NAV2: variants seen among roughly 807,000 people sequenced by gnomAD.
NAV2 encodes helicase, APC down-regulated 1.
In NAV2, 54 loss-of-function variants were observed where a neutral mutation model predicts 223.2. That is an observed-to-expected ratio of 0.24 (90% confidence interval 0.19 to 0.30). NAV2 has a LOEUF of 0.30. Ranked by LOEUF, NAV2 falls within the 10% of genes least tolerant of loss-of-function variation. The pLI, the probability that NAV2 is intolerant of heterozygous loss-of-function variation, is 1.00. For missense variants in NAV2, 2,806 were observed against 3,147.5 expected (o/e 0.89, Z 2.60); for synonymous variants, 1,279 against 1,239.3 (o/e 1.03, Z -0.67).
chr11:19,588,816 G>A (rs2045970434), intron 1 of NAV2, among the ~76,000 whole-genome samples: 1 of 152,222 alleles, frequency 6.6e-6, no homozygotes, highest in Admixed American at 6.5e-5. Flanking sequence ...ATGTGGTTTG[G>A]AATCTTGCTG....
chr11:19,616,192 T>A (rs1401755575), intron 1 of NAV2, among the ~76,000 whole-genome samples: 2 of 152,016 alleles, frequency 1.3e-5, no homozygotes, highest in Non-Finnish European at 2.9e-5. Context: ...TACATGTCCT[T>A]CTTGGAGTCC....
chr11:20,015,728 A>G (rs1445161515), intron 11 of NAV2, among the ~76,000 whole-genome samples: 1 of 152,196 alleles, frequency 6.6e-6, no homozygotes, highest in East Asian at 1.9e-4. Context: ...TATCCAGCTG[A>G]TATTTTAAAG....
At chr11:20,032,854 T>G (rs2055915926) in intron 11 of NAV2, among the ~76,000 whole-genome samples, 6 of 152,170 alleles carry the variant, frequency 3.9e-5, no homozygotes. Flanking sequence ...AGGAGGTATT[T>G]AAGGAGCACA....
At chr11:19,539,206 G>C (rs1445769178) in intron 1 of NAV2, among the ~76,000 whole-genome samples, 1 of 152,194 alleles carries the variant, frequency 6.6e-6, no homozygotes. Flanking sequence ...CAAACTGGGG[G>C]TAGATGAAGA....
At chr11:19,831,709 A>T (rs2059951251) in intron 1 of NAV2, among the ~76,000 whole-genome samples, 1 of 152,122 alleles carries the variant, frequency 6.6e-6, no homozygotes, top group Admixed American at 6.5e-5. Context: ...TTCTTTCCTG[A>T]CCATTCTGTG....
At chr11:20,048,661 T>C in intron 14 of NAV2, 67 bp from the exon 15 acceptor site, 1 of 1,377,946 alleles carries the variant, frequency 7.3e-7, no homozygotes, top group Non-Finnish European at 1.0e-6. Context: ...TGCCCTACCC[T>C]TCTTTAACAG....
chr11:19,533,982 A>T (rs2044109846), intron 1 of NAV2, among the ~76,000 whole-genome samples: 1 of 132,238 alleles, frequency 7.6e-6, no homozygotes, highest in African/African-American at 4.4e-5. Context: ...CTGGGATTAC[A>T]GGCGTGAGCC....
At chr11:19,663,405 A>T (rs908300399) in intron 1 of NAV2, among the ~76,000 whole-genome samples, 10 of 152,210 alleles carry the variant, frequency 6.6e-5, no homozygotes, top group Non-Finnish European at 1.5e-4. Flanking sequence ...TGCAAATAAA[A>T]CAGAGGCTTA....
intron 6 of NAV2, chr11:19,931,770 G>A (rs2045368916): frequency 6.6e-6 from 1 of 152,250 alleles, no homozygotes; most frequent in Non-Finnish European, 1.5e-5. Context: ...AATCATTGCA[G>A]GAGAAAGTGG....
intron 11 of NAV2, among the ~76,000 whole-genome samples, chr11:20,003,610 T>C (rs528185644): frequency 3.0e-4 from 45 of 152,208 alleles, no homozygotes; most frequent in African/African-American, 9.9e-4. Context: ...TCTACTTGAG[T>C]TCAGCAGGTA....
At chr11:19,667,425 A>G (rs964876458) in intron 1 of NAV2, among the ~76,000 whole-genome samples, 1 of 152,204 alleles carries the variant, frequency 6.6e-6, no homozygotes, top group African/African-American at 2.4e-5. Context: ...CTTCAGTCCA[A>G]TCCAGATGGC....
At chr11:19,860,319 C>A (rs1488268536) in intron 3 of NAV2, among the ~76,000 whole-genome samples, 1 of 130,892 alleles carries the variant, frequency 7.6e-6, no homozygotes, top group Non-Finnish European at 1.6e-5. Context: ...TCAGACAGGG[C>A]GGTTGCCAGG....
chr11:20,048,580 C>T (rs1323495827), intron 14 of NAV2, 148 bp from the exon 15 acceptor site: 15 of 674,184 alleles, frequency 2.2e-5, no homozygotes, highest in Non-Finnish European at 3.3e-5. Flanking sequence ...CTGACCTTTC[C>T]CTGAAGTACC....
chr11:19,357,245 T>A (rs1853672145), intron 1 of NAV2, among the ~76,000 whole-genome samples: 1 of 152,196 alleles, frequency 6.6e-6, no homozygotes, highest in African/African-American at 2.4e-5. Context: ...ATCCTATTGG[T>A]CTGTACTGTG....
intron 1 of NAV2, among the ~76,000 whole-genome samples, chr11:19,718,953 A>G (rs1013098202): frequency 2.0e-5 from 3 of 152,180 alleles, no homozygotes; most frequent in Non-Finnish European, 2.9e-5. Context: ...TTACGGCCCA[A>G]ATTCTAGCTT....
chr11:19,877,470 C>CTTTTTTTTTTTTTTTTTTTTTTTTTTCTT (rs1289323253), intron 4 of NAV2, among the ~76,000 whole-genome samples: 1 of 82,622 alleles, frequency 1.2e-5, no homozygotes, highest in Admixed American at 1.1e-4. Flanking sequence ...TATCTTCATT[C>CTTTTTTTTTTTTTTTTTTTTTTTTTTCTT]TTTTTTTTTT....
At chr11:19,892,690 T>C (rs1429141049) in intron 6 of NAV2, 96 bp downstream of exon 6, 4 of 1,351,324 alleles carry the variant, frequency 3.0e-6, no homozygotes, top group Middle Eastern at 2.1e-4. Flanking sequence ...TGGGGAGGGG[T>C]TGCATCTGTG....
At chr11:20,102,480 TCTC>T (rs796331752) in intron 32 of NAV2, among the ~76,000 whole-genome samples, 14 of 152,176 alleles carry the variant, frequency 9.2e-5, no homozygotes, top group African/African-American at 3.4e-4. Flanking sequence ...TGCCTCAGCT[TCTC>T]CTTCTGTAAA....
intron 1 of NAV2, among the ~76,000 whole-genome samples, chr11:19,569,330 A>G (rs1457731583): frequency 6.6e-6 from 1 of 152,142 alleles, no homozygotes; most frequent in Non-Finnish European, 1.5e-5. Context: ...TCTTGATCCC[A>G]TCTCAAGCTG....
Sources: allele counts gnomAD v4.1 joint callset (sites outside exome capture counted in the v4.1 genomes callset), GRCh38; gene constraint gnomAD v4.1.1; transcripts MANE v1.5; gene names NCBI Gene and HGNC (gene_info 2026-07-23, HGNC 2026-07-21).